Variants in ADGRF1 observed in about 807,000 individuals in gnomAD.
ADGRF1 encodes the protein adhesion G protein-coupled receptor F1, also known as G protein-coupled receptor 110.
In ADGRF1, 85 loss-of-function variants were observed where a neutral mutation model predicts 87.2. The ratio of observed to expected loss-of-function variants is 0.97; its 90% confidence interval spans 0.82 to 1.17. ADGRF1 has a LOEUF of 1.17. Ranked by LOEUF, ADGRF1 falls within the 50% of genes most tolerant of loss-of-function variation. The pLI is 0.00. For missense variants in ADGRF1, 1,169 were observed against 1,077.2 expected, an observed-to-expected ratio of 1.09 and a Z score of -1.19; for synonymous variants, 430 against 408.8, an observed-to-expected ratio of 1.05 and a Z score of -0.63.
chr6:47,000,135 A>T lies in ADGRF1; in HGVS notation c.*87T>A. On this transcript the variant is annotated 3_prime_UTR_variant, in exon 15 of 15. Coordinates refer to ENST00000371253, the MANE Select transcript of ADGRF1 (RefSeq NM_153840.4). ...ACCCCTAAATCAGAAAACCCGATCG[A>T]ATACTGAGCATAATTTCTTCATTGA... The T allele has an allele frequency of 9.9e-7, 1 of 1,008,678 alleles. No homozygotes were observed. Among genetic ancestry groups the T allele is most frequent in the Non-Finnish European group, 1.5e-6 (1 of 646,978 alleles). The allele number at this position is 1,008,678 out of a possible 1,614,324, so 62.5% of individuals were successfully genotyped here.
chr6:47,036,043 C>T (rs935752975), intron 1 of ADGRF1, among the ~76,000 whole-genome samples: 5 of 152,158 alleles, frequency 3.3e-5, no homozygotes, highest in African/African-American at 4.8e-5. Context: ...CCAGCCTGGG[C>T]AACATGGTGA....
At position 46,998,826 on chromosome 6, in the gene ADGRF1, A is replaced by G. The variant is rs1399091098; in HGVS notation, c.*1396T>C. The stretch of plus-strand genomic sequence containing the variant: ...ATATTTGTGGGGTATAGAACCATCT[A>G]ACTGATCCTCAGTCATTTCCTTTGA... On this transcript the variant is annotated 3_prime_UTR_variant, in exon 15 of 15. Coordinates refer to ENST00000371253, the MANE Select transcript of ADGRF1 (RefSeq NM_153840.4). 6.6e-6 allele frequency: 1 copy of G among 152,248 alleles called. No homozygotes were observed. The highest frequency in any genetic ancestry group is 1.9e-4 in the East Asian group (1 of 5,200). 9.4% of individuals were successfully genotyped at this position (152,248 alleles called of 1,614,324 possible). A position where few individuals can be genotyped will look rare whatever the true frequency, so the allele number is the denominator to read the frequency against.
chr6:47,004,270 GC>G (rs1561863577), intron 13 of ADGRF1, among the ~76,000 whole-genome samples: 1 of 152,104 alleles, frequency 6.6e-6, no homozygotes, highest in Non-Finnish European at 1.5e-5. Context: ...TTGGGGTCCT[GC>G]TTTTTCATTC....
intron 9 of ADGRF1, chr6:47,013,631 C>T (rs2113885366): frequency 1.0e-6 from 1 of 985,314 alleles, no homozygotes; most frequent in Non-Finnish European, 1.2e-6. Flanking sequence ...TTGAACCTTC[C>T]TAAGAGAGCA....
chr6:47,020,526 C>T, intron 7 of ADGRF1: 1 of 1,508,970 alleles, frequency 6.6e-7, no homozygotes, highest in East Asian at 2.5e-5. Context: ...AATTTAAGGT[C>T]CTAAACTCAT....
At chr6:47,026,104 T>C in intron 3 of ADGRF1, 101 bp from the exon 4 acceptor site, 2 of 978,946 alleles carry the variant, frequency 2.0e-6, no homozygotes, top group Non-Finnish European at 3.0e-6. Flanking sequence ...GGTCAGGGAC[T>C]CTACCATGCT....
chr6:47,034,680 C>T (rs1780535769), intron 1 of ADGRF1, among the ~76,000 whole-genome samples: 2 of 152,172 alleles, frequency 1.3e-5, no homozygotes, highest in Admixed American at 6.5e-5. Context: ...ACTCCAAAAG[C>T]CACAATCCAG....
rs544874746 is a variant in ADGRF1, at chr6:47,016,624, G to A, written c.756C>T (p.Phe252=). 6.2e-6 allele frequency: 10 copies of A among 1,601,756 alleles called. No individual in the cohort carries two copies. Among genetic ancestry groups the A allele is most frequent in the Admixed American group, 1.7e-5 (1 of 59,352 alleles). Reference sequence around the variant, plus strand: ...ATGGGAATCCAGCATTACCTTTTCCGAACACTCTGAAAGAGCCGTCTTCTA... The same window carrying A: ...ATGGGAATCCAGCATTACCTTTTCCAAACACTCTGAAAGAGCCGTCTTCTA... ...FPLEDGSFRV[F]GKAQCNDIVF... is the part of the protein sequence containing the mutation. Residue 252 remains phenylalanine, a synonymous_variant, in exon 8 of 15, where the codon TTC becomes TTT. Transcript: ENST00000371253.
At chr6:47,011,295 C>A (rs1486760757) in intron 10 of ADGRF1, among the ~76,000 whole-genome samples, 1 of 152,084 alleles carries the variant, frequency 6.6e-6, no homozygotes, top group Non-Finnish European at 1.5e-5. Context: ...CAATTTTAAT[C>A]ATATATAGTT....
chr6:47,032,132 G>A (rs1780448560), intron 1 of ADGRF1, among the ~76,000 whole-genome samples: 2 of 152,066 alleles, frequency 1.3e-5, no homozygotes, highest in African/African-American at 4.8e-5. Context: ...CTGAGGGAGA[G>A]GTTGTGGCAC....
intron 13 of ADGRF1, among the ~76,000 whole-genome samples, chr6:47,003,166 A>G (rs969025894): frequency 6.6e-6 from 1 of 152,044 alleles, no homozygotes; most frequent in Non-Finnish European, 1.5e-5. Context: ...GGGGTCAGAC[A>G]TGCTTCATTG....
intron 1 of ADGRF1, among the ~76,000 whole-genome samples, chr6:47,032,784 A>G (rs1260875704): frequency 6.6e-6 from 1 of 152,164 alleles, no homozygotes; most frequent in African/African-American, 2.4e-5. Context: ...TACTTGCTGG[A>G]TTGTGTCAGA....
intron 9 of ADGRF1, chr6:47,014,390 C>G (rs1779799147): frequency 9.2e-7 from 1 of 1,083,416 alleles, no homozygotes; most frequent in Non-Finnish European, 1.1e-6. Flanking sequence ...TTAGTTGCTG[C>G]TCTACCATCC....
intron 13 of ADGRF1, among the ~76,000 whole-genome samples, chr6:47,003,846 C>T (rs1649774789): frequency 6.6e-6 from 1 of 152,192 alleles, no homozygotes. Context: ...ATCCTTAACC[C>T]TGGCAAACAA....
chr6:47,010,156 T>C lies in ADGRF1; in HGVS notation c.1279A>G (p.Lys427Glu). ...PTALPLNFSR[K>E]FIDWKGIPVN... ...GGAATCCCTTTCCAGTCAATGAATT[T>C]CCGAGAAAAATTCAGAGGAAGAGCT... Residue 427 changes from lysine to glutamate, a missense_variant, in exon 11 of 15, where the codon AAA (lysine) becomes GAA (glutamate). Coordinates refer to ENST00000371253, the MANE Select transcript of ADGRF1 (RefSeq NM_153840.4). 1 of 1,614,186 alleles carries C rather than the reference T, an allele frequency of 6.2e-7. No individual in the cohort carries two copies. Among genetic ancestry groups the C allele is most frequent in the Non-Finnish European group, 8.5e-7 (1 of 1,180,016 alleles).
rs6939272 is a variant in ADGRF1 at position 47,039,171 on chromosome 6, A to G, written c.-44+3020T>C. The stretch of plus-strand genomic sequence containing the variant: ...ATAAGAAAATTTTCTTAAGGACTTT[A>G]AAGTCTTTAGATTTGTGGACCTCTG... On this transcript the variant is annotated intron_variant, in intron 1 of 14. Transcript: ENST00000371253. Among the ~76,000 whole-genome samples the G allele has an allele frequency of 8.3e-3, 1,268 of 152,342 alleles. 22 individuals are homozygous for G. The highest frequency in any genetic ancestry group is 0.028 in the African/African-American group (1,183 of 41,578).
intron 10 of ADGRF1, among the ~76,000 whole-genome samples, chr6:47,011,297 T>C (rs146725020): frequency 8.7e-4 from 132 of 152,350 alleles, no homozygotes; most frequent in African/African-American, 3.1e-3. Context: ...ATTTTAATCA[T>C]ATATAGTTAA....
rs1463018046 is a variant in ADGRF1, at chr6:46,999,002, T to C, written c.*1220A>G. 1.3e-5 allele frequency: 2 copies of C among 152,228 alleles called. No homozygotes were observed. The highest frequency in any genetic ancestry group is 4.8e-5 in the African/African-American group (2 of 41,460). 9.4% of individuals were successfully genotyped at this position (152,228 alleles called of 1,614,324 possible). The stretch of plus-strand genomic sequence containing the variant: ...ATTTGCATAGCATGAAGGCTTTCCA[T>C]GTCAGGAGGCTAAGAGACACTCCCT... On this transcript the variant is annotated 3_prime_UTR_variant, in exon 15 of 15. Coordinates refer to ENST00000371253, the MANE Select transcript of ADGRF1 (RefSeq NM_153840.4).
intron 1 of ADGRF1, among the ~76,000 whole-genome samples, chr6:47,030,789 G>A (rs1055627997): frequency 1.3e-5 from 2 of 151,662 alleles, no homozygotes; most frequent in African/African-American, 4.9e-5. Flanking sequence ...TTGAGATGGA[G>A]TTTCTCTCTG....
Sources: gnomAD v4.1 joint callset for allele counts (sites outside exome capture counted in the v4.1 genomes callset) on GRCh38, gnomAD v4.1.1 for gene constraint, MANE v1.5 for transcripts, NCBI Gene and HGNC (gene_info 2026-07-23, HGNC 2026-07-21) for gene names.